The following TOX2 variants were observed in gnomAD, a reference collection of about 807,000 sequenced individuals.
The protein encoded by TOX2 is granulosa cell HMG box 1.
A neutral mutation model predicts 47.4 loss-of-function variants in TOX2; 15 were observed. The ratio of observed to expected loss-of-function variants is 0.32; its 90% CI spans 0.21 to 0.49. The LOEUF (loss-of-function observed/expected upper bound fraction) is 0.49. Among genes scored for constraint, TOX2 ranks in the 20% least tolerant of loss-of-function variants. The pLI, the probability that TOX2 is intolerant of heterozygous loss-of-function variation, is 0.99. For synonymous variants in TOX2, 290 were observed against 296.6 expected, an observed-to-expected ratio of 0.98 and a Z score of 0.23; for missense variants, 622 against 673.1, an observed-to-expected ratio of 0.92 and a Z score of 0.84.
intron 5 of TOX2, among the ~76,000 whole-genome samples, chr20:44,059,731 C>T (rs2145782089): frequency 6.6e-6 from 1 of 152,232 alleles, no homozygotes; most frequent in East Asian, 1.9e-4. Flanking sequence ...GCCAAGCCAG[C>T]ACTGCAAGAA....
At chr20:44,051,744 G>T (rs2071516354) in intron 4 of TOX2, among the ~76,000 whole-genome samples, 199 bp downstream of exon 4, 1 of 152,194 alleles carries the variant, frequency 6.6e-6, no homozygotes. Flanking sequence ...GTGGTTTTCT[G>T]TTAAGACCCC....
At chr20:44,011,036 T>C (rs965600090) in intron 3 of TOX2, among the ~76,000 whole-genome samples, 2 of 152,126 alleles carry the variant, frequency 1.3e-5, no homozygotes, top group Non-Finnish European at 2.9e-5. Flanking sequence ...CATTCTGATC[T>C]CTGCCTCCAT....
At chr20:44,026,250 GAC>G (rs1338053834) in intron 3 of TOX2, among the ~76,000 whole-genome samples, 1 of 82,940 alleles carries the variant, frequency 1.2e-5, no homozygotes. Context: ...TATATATATA[GAC>G]ACACACACAC....
At chr20:43,986,285 A>ATGTATGTATGTATGTATGTGTGTG (rs1555836350) in intron 2 of TOX2, among the ~76,000 whole-genome samples, 13 of 151,510 alleles carry the variant, frequency 8.6e-5, no homozygotes, top group Non-Finnish European at 1.5e-4. Context: ...GTATGTATGT[A>ATGTATGTATGTATGTATGTGTGTG]TGTGTGTATT....
intron 1 of TOX2, among the ~76,000 whole-genome samples, chr20:43,952,277 A>G (rs960119150): frequency 6.6e-6 from 1 of 152,000 alleles, no homozygotes; most frequent in African/African-American, 2.4e-5. Context: ...AGTCTCAGCT[A>G]TCTTCTCGCC....
At chr20:44,028,812 C>T (rs1235834848) in intron 3 of TOX2, among the ~76,000 whole-genome samples, 2 of 152,222 alleles carry the variant, frequency 1.3e-5, no homozygotes, top group Non-Finnish European at 2.9e-5. Context: ...GGAGGATTCA[C>T]AGCTTGGACA....
intron 3 of TOX2, among the ~76,000 whole-genome samples, chr20:44,033,404 C>T (rs1001521919): frequency 6.6e-6 from 1 of 152,110 alleles, no homozygotes; most frequent in Non-Finnish European, 1.5e-5. Context: ...GAATCATGCC[C>T]CACCAGATGC....
intron 1 of TOX2, among the ~76,000 whole-genome samples, chr20:43,949,597 C>T (rs890567433): frequency 3.3e-5 from 5 of 152,238 alleles, no homozygotes; most frequent in South Asian, 2.1e-4. Flanking sequence ...CTCCTAAATC[C>T]GCTTCCCCAC....
chr20:43,919,719 T>C (rs2069093393), intron 1 of TOX2, among the ~76,000 whole-genome samples: 2 of 152,190 alleles, frequency 1.3e-5, no homozygotes, highest in South Asian at 2.1e-4. Context: ...TTCCCCTCCC[T>C]GTGTCCATGT....
chr20:44,053,377 C>G (rs1047369476), intron 4 of TOX2, among the ~76,000 whole-genome samples: 2 of 151,672 alleles, frequency 1.3e-5, no homozygotes, highest in South Asian at 4.2e-4. Flanking sequence ...CGGTGGAGAC[C>G]AGCCTTTTGT....
intron 1 of TOX2, chr20:43,955,237 G>A (rs1288762195): frequency 1.6e-5 from 16 of 985,328 alleles, no homozygotes; most frequent in Non-Finnish European, 1.9e-5. Flanking sequence ...TTCTGAAACT[G>A]CACGAGTTCT....
intron 1 of TOX2, among the ~76,000 whole-genome samples, chr20:43,946,258 G>T (rs887617642): frequency 6.6e-6 from 1 of 152,204 alleles, no homozygotes; most frequent in Admixed American, 6.5e-5. Context: ...CTGGAGAGCA[G>T]GGTCAGGCTG....
intron 3 of TOX2, among the ~76,000 whole-genome samples, chr20:44,011,487 G>T (rs1422317870): frequency 6.6e-6 from 1 of 152,218 alleles, no homozygotes; most frequent in Non-Finnish European, 1.5e-5. Flanking sequence ...ACTTCCTAGA[G>T]GAAGTGTCCC....
intron 4 of TOX2, among the ~76,000 whole-genome samples, chr20:44,052,590 C>T (rs555124010): frequency 2.2e-4 from 33 of 152,270 alleles, no homozygotes; most frequent in Admixed American, 6.5e-4. Flanking sequence ...CATGCAGGAA[C>T]GGTTTTTATT....
chr20:44,006,618 G>A lies in TOX2; in HGVS notation c.237G>A (p.Glu79=), dbSNP rs796086087. The change falls in exon 3 of 9, where the codon GAG becomes GAA. Residue 79 remains glutamate, a synonymous_variant. Transcript: ENST00000341197. ...IPPITPPNLP[E]PSLLHLGDHE... Reference sequence around the variant, plus strand: ...CGATAACACCTCCCAACCTCCCGGAGCCATCCCTCCTGCACCTGGGGGACC... The same window carrying A: ...CGATAACACCTCCCAACCTCCCGGAACCATCCCTCCTGCACCTGGGGGACC... 1 of 1,614,124 alleles carries A rather than the reference G, an allele frequency of 6.2e-7. No individual in the cohort carries two copies. The highest frequency in any genetic ancestry group is 2.2e-5 in the East Asian group (1 of 44,884).
At chr20:43,998,327 T>TAG (rs2070514442) in intron 2 of TOX2, among the ~76,000 whole-genome samples, 1 of 152,226 alleles carries the variant, frequency 6.6e-6, no homozygotes, top group Non-Finnish European at 1.5e-5. Flanking sequence ...CCTATCAGTG[T>TAG]AGTTAGGTCT....
intron 5 of TOX2, 133 bp from the exon 6 acceptor site, chr20:44,064,644 C>A (rs1262672521): frequency 4.9e-5 from 39 of 791,848 alleles, no homozygotes; most frequent in Non-Finnish European, 5.4e-5. Flanking sequence ...CAGTGGCTGG[C>A]TGACTCAGCT....
intron 1 of TOX2, chr20:43,955,198 C>T: frequency 1.0e-6 from 1 of 983,242 alleles, no homozygotes; most frequent in Non-Finnish European, 1.2e-6. Flanking sequence ...AGAATTTGCA[C>T]TTCATTACTT....
At chr20:43,938,770 G>A (rs2069362905) in intron 1 of TOX2, among the ~76,000 whole-genome samples, 1 of 152,188 alleles carries the variant, frequency 6.6e-6, no homozygotes, top group Non-Finnish European at 1.5e-5. Flanking sequence ...CCACCACATG[G>A]CAGGCAAAGA....
Sources: allele counts gnomAD v4.1 joint callset (sites outside exome capture counted in the v4.1 genomes callset), GRCh38; gene constraint gnomAD v4.1.1; transcripts MANE v1.5; gene names NCBI Gene and HGNC (gene_info 2026-07-23, HGNC 2026-07-21).